The following KCNT1 variants were observed in gnomAD, a reference collection of about 807,000 sequenced individuals.
The protein encoded by KCNT1 is potassium sodium-activated channel subfamily T member 1, also known as potassium channel subfamily T member 1.
KCNT1 carries 78 observed loss-of-function variants against 147.8 expected under a neutral mutation model. The observed-to-expected ratio is 0.53, with a 90% CI of 0.44 to 0.64. The LOEUF (loss-of-function observed/expected upper bound fraction) is 0.64. Ranked by LOEUF, KCNT1 falls within the 30% of genes least tolerant of loss-of-function variation. The pLI is 0.00. For synonymous variants in KCNT1, 867 were observed against 748.8 expected (o/e 1.16, Z -2.58); for missense variants, 1,419 against 1,750.3 (o/e 0.81, Z 3.38).
chr9:135,718,413 A>G (rs490475), intron 2 of KCNT1, among the ~76,000 whole-genome samples: 91,247 of 152,030 alleles, frequency 0.6, 27,681 homozygotes, highest in East Asian at 0.83. Flanking sequence ...GCCCTTAGGT[A>G]GAGGGGAGGG....
At chr9:135,758,806 AGGTGG>A (rs926043103) in intron 10 of KCNT1, among the ~76,000 whole-genome samples, 1 of 152,214 alleles carries the variant, frequency 6.6e-6, no homozygotes, top group Non-Finnish European at 1.5e-5. Flanking sequence ...CCCCTAGGCC[AGGTGG>A]GGTCTCTTGG....
intron 13 of KCNT1, chr9:135,766,716 G>A (rs1832315396): frequency 6.5e-6 from 1 of 152,686 alleles, no homozygotes; most frequent in South Asian, 2.1e-4. Flanking sequence ...AGATGAGCAG[G>A]ACCCTGCAGC....
In KCNT1 at chr9:135,765,112, C is replaced by T. The variant is rs908848836; in HGVS notation, c.1117C>T (p.His373Tyr). The T allele has an allele frequency of 6.2e-7, 1 of 1,613,544 alleles. No individual in the cohort carries two copies. The highest frequency in any genetic ancestry group is 8.5e-7 in the Non-Finnish European group (1 of 1,179,942). ...CCGCCACCGTGCGCAGACGGAGAAG[C>T]ACGTGGTCCTGTGTGTCAGCTCCCT... ...YSRHRAQTEK[H>Y]VVLCVSSLKI... The change falls in exon 12 of 31, where the codon CAC (histidine) becomes TAC (tyrosine). Residue 373 changes from histidine (H) to tyrosine (Y), a missense_variant. This residue lies in a region of KCNT1 where 401 missense variants were observed against 610.6 expected (regional missense o/e 0.66). Transcript: ENST00000371757.
At chr9:135,750,587 C>T in intron 3 of KCNT1, 1 of 397,518 alleles carries the variant, frequency 2.5e-6, no homozygotes, top group Non-Finnish European at 4.7e-6. Flanking sequence ...TGGCATCATG[C>T]TCCCCCCGGG....
At chr9:135,761,942 C>T (rs1036187709) in intron 11 of KCNT1, among the ~76,000 whole-genome samples, 1 of 152,272 alleles carries the variant, frequency 6.6e-6, no homozygotes, top group African/African-American at 2.4e-5. Flanking sequence ...CAGCCACCCC[C>T]AGGGTCGCTT....
In KCNT1 at chr9:135,783,180, G is replaced by A. The variant is rs537110550; in HGVS notation, c.2842-844G>A. Among the ~76,000 whole-genome samples, 18 of 152,344 alleles carry A rather than the reference G, an allele frequency of 1.2e-4. No homozygotes were observed. In the South Asian group the frequency reaches 3.7e-3, roughly 32 times the overall value. On this transcript the variant is annotated intron_variant, in intron 24 of 30. Coordinates refer to ENST00000371757, the MANE Select transcript of KCNT1 (RefSeq NM_020822.3). The stretch of plus-strand genomic sequence containing the variant: ...ATGTACCGCCTCACGTGACAGAAGG[G>A]CCTCTGCAGATGGGATTAAGTCACG...
chr9:135,791,990 A>C, intron 30 of KCNT1, 51 bp from the exon 31 acceptor site: 1 of 1,604,560 alleles, frequency 6.2e-7, no homozygotes, highest in South Asian at 1.1e-5. Context: ...AGGGCTGAGC[A>C]GGGGCTGCCC....
intron 2 of KCNT1, among the ~76,000 whole-genome samples, chr9:135,722,437 G>A (rs1389678947): frequency 2.0e-5 from 3 of 152,200 alleles, no homozygotes; most frequent in South Asian, 2.1e-4. Flanking sequence ...CATCCTCCGC[G>A]TCAGGAAGCC....
intron 29 of KCNT1, chr9:135,789,783 G>A (rs931562097): frequency 9.2e-5 from 14 of 152,266 alleles, no homozygotes; most frequent in African/African-American, 3.4e-4. Context: ...CCAGGGGCGA[G>A]GTGGCCCTGC....
intron 11 of KCNT1, among the ~76,000 whole-genome samples, chr9:135,760,245 C>G (rs558491667): frequency 1.3e-5 from 2 of 152,328 alleles, no homozygotes; most frequent in East Asian, 3.9e-4. Context: ...GGGCACACCC[C>G]CCCGGCCACC....
At chr9:135,754,030 C>T in intron 5 of KCNT1, 37 bp downstream of exon 5, 1 of 1,589,922 alleles carries the variant, frequency 6.3e-7, no homozygotes, top group Non-Finnish European at 8.6e-7. Flanking sequence ...GCCAGGCGCT[C>T]AGAGGCCTGG....
At chr9:135,790,345 G>C (rs925744214) in intron 29 of KCNT1, 32 of 152,400 alleles carry the variant, frequency 2.1e-4, no homozygotes, top group African/African-American at 6.7e-4. Flanking sequence ...AGGCCCCTGG[G>C]CCTCCTCCAA....
At chr9:135,726,948 TTTCCCATTCTCCCTCTCC>T in intron 2 of KCNT1, among the ~76,000 whole-genome samples, 1 of 5,984 alleles carries the variant, frequency 1.7e-4, no homozygotes, top group Non-Finnish European at 3.5e-4. Flanking sequence ...TCTCCCTCTC[TTTCCCATTCTCCCTCTCC>T]CTCTCTTTCC....
At position 135,750,155 on chromosome 9, in the gene KCNT1, C is replaced by T; in HGVS notation, c.312C>T (p.Phe104=). 1 of 1,613,682 alleles carries T rather than the reference C, an allele frequency of 6.2e-7. No homozygotes were observed. The highest frequency in any genetic ancestry group is 1.7e-5 in the Admixed American group (1 of 60,012). Residue 104 remains phenylalanine (F), a synonymous_variant, in exon 3 of 31, where the codon TTC becomes TTT. Coordinates refer to ENST00000371757, the MANE Select transcript of KCNT1 (RefSeq NM_020822.3). ...ENTFKERLKL[F]FIKNQRSSLR... ...CCTTCAAGGAGCGGCTCAAGCTGTT[C>T]TTCATCAAAAACCAAAGATCGAGTG...
chr9:135,782,572 T>C (rs1235888166), intron 24 of KCNT1, among the ~76,000 whole-genome samples: 3 of 152,198 alleles, frequency 2.0e-5, no homozygotes, highest in Admixed American at 2.0e-4. Flanking sequence ...CTGTCACTTG[T>C]GAATGGCACC....
Position 135,784,503 on chromosome 9 carries a change from CTCCCTCCCTCCCT to C in KCNT1, c.2944-31_2944-19del. The C allele has an allele frequency of 4.2e-6, 2 of 479,722 alleles. No individual in the cohort carries two copies. Among genetic ancestry groups the C allele is most frequent in the Admixed American group, 3.9e-5 (1 of 25,454 alleles). The allele number at this position is 479,722 out of a possible 1,614,324, so 29.7% of individuals were successfully genotyped here. A position where few individuals can be genotyped will look rare whatever the true frequency, so the allele number is the denominator to read the frequency against. On this transcript the variant is annotated intron_variant, in intron 25 of 30. Coordinates refer to ENST00000371757, the MANE Select transcript of KCNT1 (RefSeq NM_020822.3). The stretch of plus-strand genomic sequence containing the variant: ...TGTGGCTCCCTCCCTCCCTCCCTCC[CTCCCTCCCTCCCT>C]CCCTCCCTCCCTGGCCAGTCCTTCG...
chr9:135,742,696 C>T (rs1830627648), intron 2 of KCNT1: 3 of 715,560 alleles, frequency 4.2e-6, no homozygotes, highest in East Asian at 2.7e-5. Flanking sequence ...TCCATCCGTC[C>T]GTCTATCTGT....
chr9:135,732,762 CT>C (rs1830159406), intron 2 of KCNT1, among the ~76,000 whole-genome samples: 1 of 151,488 alleles, frequency 6.6e-6, no homozygotes, highest in African/African-American at 2.4e-5. Flanking sequence ...CTCTCTCTCT[CT>C]CTCTCTCTCT....
intron 29 of KCNT1, among the ~76,000 whole-genome samples, chr9:135,786,868 A>G (rs1182766580): frequency 6.6e-6 from 1 of 152,168 alleles, no homozygotes; most frequent in East Asian, 1.9e-4. Context: ...CAAATTAGAG[A>G]CAGGAGCTGG....
Sources: gnomAD v4.1 joint callset for allele counts (sites outside exome capture counted in the v4.1 genomes callset) on GRCh38, gnomAD v4.1.1 for gene constraint, gnomAD v4.1.1 regional missense constraint, MANE v1.5 for transcripts, NCBI Gene and HGNC (gene_info 2026-07-23, HGNC 2026-07-21) for gene names.